FHIT: variants seen among roughly 807,000 people sequenced by gnomAD.
The protein encoded by FHIT is bis(5'-adenosyl)-triphosphatase.
A neutral mutation model predicts 17.9 loss-of-function variants in FHIT; 19 were observed. The ratio of observed to expected loss-of-function variants is 1.06; its 90% CI spans 0.74 to 1.56. FHIT has a LOEUF of 1.56. Among genes scored for constraint, FHIT ranks in the 40% most tolerant of loss-of-function variants. The pLI is 0.00. For synonymous variants in FHIT, 81 were observed against 69.7 expected (o/e 1.16, Z -0.81); for missense variants, 248 against 189.2 (o/e 1.31, Z -1.82).
intron 5 of FHIT, among the ~76,000 whole-genome samples, chr3:60,468,516 A>G (rs999016335): frequency 6.6e-6 from 1 of 152,076 alleles, no homozygotes; most frequent in Admixed American, 6.6e-5. Flanking sequence ...ACATCTTGTA[A>G]CCCATTATAT....
At chr3:61,128,075 T>C (rs2036661699) in intron 2 of FHIT, among the ~76,000 whole-genome samples, 1 of 152,240 alleles carries the variant, frequency 6.6e-6, no homozygotes, top group African/African-American at 2.4e-5. Flanking sequence ...TTGAACACTT[T>C]CTACAGACAA....
At chr3:59,763,042 C>T (rs1248524067) in intron 8 of FHIT, among the ~76,000 whole-genome samples, 3 of 152,050 alleles carry the variant, frequency 2.0e-5, no homozygotes, top group African/African-American at 4.8e-5. Context: ...AGCCTTTTTC[C>T]CCCCCGCCGG....
chr3:61,211,769 A>C (rs1269456253), intron 1 of FHIT, among the ~76,000 whole-genome samples: 3 of 152,166 alleles, frequency 2.0e-5, no homozygotes, highest in Non-Finnish European at 4.4e-5. Context: ...GTAGGGGCTG[A>C]CTGACACCTC....
intron 5 of FHIT, among the ~76,000 whole-genome samples, chr3:60,445,734 G>C (rs112279177): frequency 8.0e-5 from 12 of 150,022 alleles, no homozygotes; most frequent in Admixed American, 2.0e-4. Context: ...TTGTAAGAAA[G>C]AATTCAAAGA....
intron 4 of FHIT, among the ~76,000 whole-genome samples, chr3:60,723,568 C>T (rs968335379): frequency 6.6e-6 from 1 of 152,126 alleles, no homozygotes; most frequent in African/African-American, 2.4e-5. Flanking sequence ...AACTTGTTGT[C>T]GCAGCTTGTT....
chr3:60,966,842 G>T (rs1709767048), intron 3 of FHIT, among the ~76,000 whole-genome samples: 1 of 152,146 alleles, frequency 6.6e-6, no homozygotes, highest in African/African-American at 2.4e-5. Flanking sequence ...TAAGAGAACT[G>T]TGGTACATTT....
At chr3:59,853,067 T>C (rs1702005851) in intron 8 of FHIT, among the ~76,000 whole-genome samples, 1 of 152,210 alleles carries the variant, frequency 6.6e-6, no homozygotes, top group African/African-American at 2.4e-5. Context: ...GATCATGTTG[T>C]AAGAGCATGT....
chr3:60,965,192 C>T (rs1709661797), intron 3 of FHIT, among the ~76,000 whole-genome samples: 1 of 151,896 alleles, frequency 6.6e-6, no homozygotes, highest in Non-Finnish European at 1.5e-5. Context: ...GTTCTTCAAT[C>T]ACTGATATTC....
intron 5 of FHIT, among the ~76,000 whole-genome samples, chr3:60,483,295 T>C (rs1056056328): frequency 7.2e-5 from 11 of 152,106 alleles, no homozygotes; most frequent in Admixed American, 4.6e-4. Context: ...TTCCAAACAG[T>C]TGAAAAGCAG....
At chr3:60,226,896 G>C (rs113295053) in intron 5 of FHIT, among the ~76,000 whole-genome samples, 1 of 137,354 alleles carries the variant, frequency 7.3e-6, no homozygotes, top group Non-Finnish European at 1.6e-5. Flanking sequence ...CCTCTGGCTA[G>C]AACATCTATC....
intron 3 of FHIT, among the ~76,000 whole-genome samples, chr3:61,040,563 T>C (rs990516748): frequency 3.3e-5 from 5 of 152,222 alleles, no homozygotes; most frequent in African/African-American, 1.2e-4. Context: ...GTTAATATTT[T>C]GGCATGTTTG....
chr3:60,351,845 T>G (rs1212281441), intron 5 of FHIT, among the ~76,000 whole-genome samples: 1 of 150,416 alleles, frequency 6.6e-6, no homozygotes, highest in Non-Finnish European at 1.5e-5. Flanking sequence ...GCAGAAACCA[T>G]GCCCTTCCTT....
chr3:60,580,159 A>G (rs1224601253), intron 4 of FHIT, among the ~76,000 whole-genome samples: 2 of 152,120 alleles, frequency 1.3e-5, no homozygotes, highest in Non-Finnish European at 2.9e-5. Flanking sequence ...TAAAATTTCA[A>G]GCAAAACCTA....
At chr3:60,529,853 T>C (rs1470086378) in intron 5 of FHIT, among the ~76,000 whole-genome samples, 1 of 152,220 alleles carries the variant, frequency 6.6e-6, no homozygotes, top group East Asian at 1.9e-4. Context: ...TTCACTAGAA[T>C]TGGAGAAAGA....
intron 8 of FHIT, among the ~76,000 whole-genome samples, chr3:59,753,283 A>G (rs1051113131): frequency 6.6e-6 from 1 of 152,244 alleles, no homozygotes. Context: ...AGATTAAATG[A>G]GAAAACAACT....
intron 5 of FHIT, among the ~76,000 whole-genome samples, chr3:60,142,396 G>A (rs1383559144): frequency 6.6e-6 from 1 of 152,134 alleles, no homozygotes; most frequent in Non-Finnish European, 1.5e-5. Context: ...CTTACTTACC[G>A]GGTCAAGGGC....
chr3:60,032,243 C>G (rs2630145), intron 5 of FHIT, among the ~76,000 whole-genome samples: 8 of 151,650 alleles, frequency 5.3e-5, no homozygotes, highest in Admixed American at 2.6e-4. Context: ...GAGGGTTGCT[C>G]GAGGCTAGGA....
chr3:59,789,820 T>C (rs906617812), intron 8 of FHIT, among the ~76,000 whole-genome samples: 1 of 152,180 alleles, frequency 6.6e-6, no homozygotes, highest in Admixed American at 6.5e-5. Flanking sequence ...CCCTTTGATT[T>C]ATTAGTGGGA....
intron 3 of FHIT, among the ~76,000 whole-genome samples, chr3:61,006,637 T>C (rs1301265469): frequency 6.6e-6 from 1 of 151,996 alleles, no homozygotes; most frequent in African/African-American, 2.4e-5. Flanking sequence ...TTAACTGCAT[T>C]TGGAGAACTG....
Sources: allele counts gnomAD v4.1 joint callset (sites outside exome capture counted in the v4.1 genomes callset), GRCh38; gene constraint gnomAD v4.1.1; transcripts MANE v1.5; gene names NCBI Gene and HGNC (gene_info 2026-07-23, HGNC 2026-07-21).